Variants in MYO1B observed in about 807,000 individuals in gnomAD.
MYO1B encodes the protein myosin IB, also known as unconventional myosin-Ib.
MYO1B carries 72 observed loss-of-function variants against 159.7 expected under a neutral mutation model. That is an observed-to-expected ratio of 0.45 (90% CI 0.37 to 0.55). The LOEUF (loss-of-function observed/expected upper bound fraction) is 0.55, where lower values mean the gene tolerates loss of function less well. Among genes scored for constraint, MYO1B ranks in the 20% least tolerant of loss-of-function variants. The probability of loss-of-function intolerance (pLI) is 0.00; values close to 1 mark genes in which losing one functional copy is unlikely to be tolerated. For missense variants in MYO1B, 1,062 were observed against 1,364.8 expected, an observed-to-expected ratio of 0.78 and a Z score of 3.50; for synonymous variants, 468 against 473.8, an observed-to-expected ratio of 0.99 and a Z score of 0.16.
At chr2:191,334,754 G>A (rs1691718547) in intron 4 of MYO1B, among the ~76,000 whole-genome samples, 1 of 152,170 alleles carries the variant, frequency 6.6e-6, no homozygotes, top group Non-Finnish European at 1.5e-5. Flanking sequence ...CTGGAGGAGG[G>A]TCCAACAGAG....
intron 30 of MYO1B, 69 bp downstream of exon 30, chr2:191,416,311 C>T (rs1697561800): frequency 6.4e-7 from 1 of 1,563,812 alleles, no homozygotes; most frequent in East Asian, 2.2e-5. Flanking sequence ...AGCTCTCGAT[C>T]TCATTCATTA....
intron 3 of MYO1B, among the ~76,000 whole-genome samples, chr2:191,300,638 C>CATTTTTTTTTTTTT (rs1559151212): frequency 3.1e-4 from 1 of 3,238 alleles, no homozygotes; most frequent in South Asian, 0.019. Context: ...CTGTGCGCAG[C>CATTTTTTTTTTTTT]CTTTTTTTTT....
At chr2:191,286,963 G>A (rs1222100971) in intron 2 of MYO1B, among the ~76,000 whole-genome samples, 1 of 152,040 alleles carries the variant, frequency 6.6e-6, no homozygotes, top group East Asian at 1.9e-4. Flanking sequence ...AGACCATTTT[G>A]TAAAAGTTTT....
In MYO1B at chr2:191,350,107, A is replaced by G. The variant is rs67146186; in HGVS notation, c.499-55A>G. 7 of 1,414,620 alleles carry G rather than the reference A, an allele frequency of 4.9e-6. No homozygotes were observed. In the African/African-American group the frequency reaches 9.8e-5, roughly 20 times the overall value. The allele number at this position is 1,414,620 out of a possible 1,614,324, so 87.6% of individuals were successfully genotyped here. ...TAGTCTGCTGTTCTCTAAGAAGTACACTGAGTTAACATTTTGAGATGAACT... is the reference window on the plus strand; with the variant it reads ...TAGTCTGCTGTTCTCTAAGAAGTACGCTGAGTTAACATTTTGAGATGAACT... On this transcript the variant is annotated intron_variant, in intron 6 of 30. Coordinates refer to ENST00000392318, the MANE Select transcript of MYO1B (RefSeq NM_001130158.3).
At chr2:191,334,316 C>T (rs1346026251) in intron 4 of MYO1B, among the ~76,000 whole-genome samples, 1 of 152,100 alleles carries the variant, frequency 6.6e-6, no homozygotes, top group Admixed American at 6.6e-5. Flanking sequence ...CTTAACACTA[C>T]TACTTCCTCC....
At chr2:191,333,980 C>G (rs1691660719) in intron 4 of MYO1B, among the ~76,000 whole-genome samples, 1 of 152,140 alleles carries the variant, frequency 6.6e-6, no homozygotes. Flanking sequence ...TCCTATTTGA[C>G]TCTATCTACA....
In MYO1B at chr2:191,381,492, T is replaced by G; in HGVS notation, c.1216T>G (p.Tyr406Asp). Residue 406 changes from tyrosine (Y) to aspartate (D), a missense_variant, in exon 14 of 31, where the codon TAT becomes GAT. Tyr to Asp is a radical substitution (Grantham distance 160). Around this residue, in one of 5 missense-constraint regions of MYO1B, gnomAD observed 415 missense variants for 544.0 expected, o/e 0.76. Coordinates refer to ENST00000392318, the MANE Select transcript of MYO1B (RefSeq NM_001130158.3). The stretch of plus-strand genomic sequence containing the variant: ...CAGCTTTGAGCAGTTCATTATTAAT[T>G]ATTGTAACGAAAAGCTGCAACAAAT... The part of the protein sequence containing the change: ...DNSFEQFIIN[Y>D]CNEKLQQIFI... The G allele has an allele frequency of 6.2e-7, 1 of 1,613,686 alleles. No homozygotes were observed. Among genetic ancestry groups the G allele is most frequent in the Non-Finnish European group, 8.5e-7 (1 of 1,179,742 alleles).
intron 18 of MYO1B, 68 bp from the exon 19 acceptor site, chr2:191,392,040 A>G: frequency 8.7e-7 from 1 of 1,151,196 alleles, no homozygotes; most frequent in Non-Finnish European, 1.3e-6. Context: ...AGAACCTGAT[A>G]CCATGATAGA....
At chr2:191,246,929 G>C (rs889486062) in intron 1 of MYO1B, among the ~76,000 whole-genome samples, 1 of 152,188 alleles carries the variant, frequency 6.6e-6, no homozygotes, top group Non-Finnish European at 1.5e-5. Flanking sequence ...CTCTGTGTGA[G>C]GATCGTTTAG....
At chr2:191,291,513 C>T (rs1481966743) in intron 2 of MYO1B, among the ~76,000 whole-genome samples, 2 of 152,034 alleles carry the variant, frequency 1.3e-5, no homozygotes, top group East Asian at 3.8e-4. Context: ...CTTTTCCCTT[C>T]CTGGGTGTCA....
At chr2:191,302,183 C>G (rs1213933443) in intron 3 of MYO1B, among the ~76,000 whole-genome samples, 2 of 152,208 alleles carry the variant, frequency 1.3e-5, no homozygotes, top group Non-Finnish European at 2.9e-5. Context: ...CTTGCACTGG[C>G]CCTGAGTTAT....
intron 15 of MYO1B, among the ~76,000 whole-genome samples, 173 bp downstream of exon 15, chr2:191,383,515 T>TACACACAC (rs71030338): frequency 8.1e-5 from 10 of 122,728 alleles, no homozygotes; most frequent in African/African-American, 2.7e-4. Context: ...TATATACACG[T>TACACACAC]ACACACACAC....
At chr2:191,252,153 T>A (rs1686161325) in intron 1 of MYO1B, among the ~76,000 whole-genome samples, 1 of 152,236 alleles carries the variant, frequency 6.6e-6, no homozygotes, top group African/African-American at 2.4e-5. Context: ...GGCTTGTTAT[T>A]TTTGTGATCC....
At chr2:191,413,256 A>ACTTAGCCTAGCCTAC (rs1697360749) in intron 27 of MYO1B, among the ~76,000 whole-genome samples, 1 of 152,212 alleles carries the variant, frequency 6.6e-6, no homozygotes, top group South Asian at 2.1e-4. Flanking sequence ...GAACACAATC[A>ACTTAGCCTAGCCTAC]CTTAGCCTAG....
At chr2:191,326,785 TG>T (rs1266917239) in intron 3 of MYO1B, among the ~76,000 whole-genome samples, 9 of 139,364 alleles carry the variant, frequency 6.5e-5, no homozygotes, top group Non-Finnish European at 1.2e-4. Flanking sequence ...TGTGTGTGTG[TG>T]TGTGTGTGTG....
intron 29 of MYO1B, among the ~76,000 whole-genome samples, chr2:191,415,719 GTTT>G (rs1251414910): frequency 2.0e-5 from 3 of 152,102 alleles, no homozygotes; most frequent in Non-Finnish European, 4.4e-5. Flanking sequence ...TCACTGAAAA[GTTT>G]TTTAATCAAG....
chr2:191,377,038 GTTGT>G (rs1036194994), intron 13 of MYO1B, among the ~76,000 whole-genome samples: 3 of 151,968 alleles, frequency 2.0e-5, no homozygotes, highest in South Asian at 2.1e-4. Flanking sequence ...TTTTTTTGTT[GTTGT>G]TTGTTTGTTT....
intron 7 of MYO1B, among the ~76,000 whole-genome samples, chr2:191,358,475 T>A (rs1258072714): frequency 6.6e-6 from 1 of 152,220 alleles, no homozygotes; most frequent in East Asian, 1.9e-4. Flanking sequence ...CGCAAGTGAA[T>A]ATTATTCTTG....
At chr2:191,411,804 A>G (rs1697264936) in intron 27 of MYO1B, among the ~76,000 whole-genome samples, 1 of 152,210 alleles carries the variant, frequency 6.6e-6, no homozygotes, top group Non-Finnish European at 1.5e-5. Flanking sequence ...AAGACTGTTT[A>G]TCCCAATAGT....
Sources: allele counts gnomAD v4.1 joint callset (sites outside exome capture counted in the v4.1 genomes callset), GRCh38; gene constraint gnomAD v4.1.1; regional missense constraint gnomAD v4.1.1; transcripts MANE v1.5; gene names NCBI Gene and HGNC (gene_info 2026-07-23, HGNC 2026-07-21).